Variants in PALM2AKAP2 observed in about 807,000 individuals in gnomAD.
PALM2AKAP2 encodes the protein PALM2-AKAP2 fusion protein.
In PALM2AKAP2, 37 loss-of-function variants were observed where a neutral mutation model predicts 71.5. That is an observed-to-expected ratio of 0.52 (90% CI 0.40 to 0.68). The LOEUF is 0.68. Among genes scored for constraint, PALM2AKAP2 ranks in the 30% least tolerant of loss-of-function variants. The probability of loss-of-function intolerance (pLI) is 0.00; values close to 1 mark genes in which losing one functional copy is unlikely to be tolerated. For missense variants in PALM2AKAP2, 1,224 were observed against 1,191.8 expected (o/e 1.03, Z -0.40); for synonymous variants, 468 against 478.8 (o/e 0.98, Z 0.29).
intron 6 of PALM2AKAP2, among the ~76,000 whole-genome samples, chr9:110,013,594 C>T (rs1212919835): frequency 6.6e-6 from 1 of 151,960 alleles, no homozygotes; most frequent in Non-Finnish European, 1.5e-5. Flanking sequence ...GAACAAGGCA[C>T]AACACTCCTC....
At chr9:110,168,591 A>G (rs981426948) in exon 4 of PALM2AKAP2, 1 of 1,422,994 alleles carries the variant, frequency 7.0e-7, no homozygotes, top group African/African-American at 1.4e-5. Context: ...TATTTATTAA[A>G]GTGCAAACAA....
At chr9:109,903,623 T>G (rs1830378199) in intron 3 of PALM2AKAP2, among the ~76,000 whole-genome samples, 1 of 152,150 alleles carries the variant, frequency 6.6e-6, no homozygotes. Flanking sequence ...TTTCTCCTCC[T>G]AAGTACACAA....
chr9:109,799,185 C>CAGA (rs1271192415), intron 1 of PALM2AKAP2, among the ~76,000 whole-genome samples: 2 of 152,208 alleles, frequency 1.3e-5, no homozygotes, highest in Non-Finnish European at 2.9e-5. Flanking sequence ...TGTGATGGAG[C>CAGA]AGAACAGTGT....
At position 109,640,817 on chromosome 9, in the gene PALM2AKAP2, C is replaced by A. The variant is rs948413524; in HGVS notation, c.-45C>A. 7.3e-6 allele frequency: 11 copies of A among 1,510,208 alleles called. No individual in the cohort carries two copies. The Admixed American group carries it at 1.5e-4, about 20-fold the overall frequency. The allele number at this position is 1,510,208 out of a possible 1,614,324, so 93.6% of individuals were successfully genotyped here. A position where few individuals can be genotyped will look rare whatever the true frequency, so the allele number is the denominator to read the frequency against. On this transcript the variant is annotated 5_prime_UTR_variant, in exon 1 of 7. Transcript: ENST00000374531. Reference sequence around the variant, plus strand: ...ACTCGGCTCCGGGAGAGGCGAGCAGCGCCGGTGAGCCCCGCAGCAGCGCAC... The same window carrying A: ...ACTCGGCTCCGGGAGAGGCGAGCAGAGCCGGTGAGCCCCGCAGCAGCGCAC...
chr9:110,065,336 C>T (rs1216489145), intron 1 of PALM2AKAP2, among the ~76,000 whole-genome samples: 2 of 152,122 alleles, frequency 1.3e-5, no homozygotes, highest in Non-Finnish European at 2.9e-5. Flanking sequence ...CCAAGCGATA[C>T]TCCCACCTCA....
chr9:110,006,324 C>CTCTTTGTTTCTT (rs1554736921), intron 6 of PALM2AKAP2, among the ~76,000 whole-genome samples: 2 of 102,102 alleles, frequency 2.0e-5, no homozygotes, highest in African/African-American at 3.9e-5. Context: ...TTCCTTCCTT[C>CTCTTTGTTTCTT]TCTTTCTTTC....
Position 109,865,096 on chromosome 9 carries a change from C to CT in PALM2AKAP2, c.46-2375dup, listed in dbSNP as rs58922983. Among the ~76,000 whole-genome samples the CT allele has an allele frequency of 5.3e-4, 40 of 75,640 alleles. 3 individuals are homozygous for CT. The highest frequency in any genetic ancestry group is 1.7e-3 in the Admixed American group (8 of 4,816). The allele number at this position is 75,640 out of a possible 152,430, so 49.6% of individuals were successfully genotyped here. A position where few individuals can be genotyped will look rare whatever the true frequency, so the allele number is the denominator to read the frequency against. ...GTATCTACCTAAATCCTACTCATTCCTTTTTTTTTTTTTTTTTTTTGAGAC... is the reference window on the plus strand; with the variant it reads ...GTATCTACCTAAATCCTACTCATTCCTTTTTTTTTTTTTTTTTTTTTGAGAC... On this transcript the variant is annotated intron_variant, in intron 1 of 9. Transcript: ENST00000302798.
chr9:109,695,516 T>C (rs1827957571), intron 1 of PALM2AKAP2, among the ~76,000 whole-genome samples: 2 of 152,180 alleles, frequency 1.3e-5, no homozygotes, highest in African/African-American at 4.8e-5. Flanking sequence ...GGTATCTTAC[T>C]ACGGTTTTGA....
At chr9:110,015,363 C>A (rs2132339580) in intron 6 of PALM2AKAP2, among the ~76,000 whole-genome samples, 1 of 152,264 alleles carries the variant, frequency 6.6e-6, no homozygotes, top group Non-Finnish European at 1.5e-5. Context: ...CACTGGGAGG[C>A]CAAGGTGGGT....
chr9:110,117,695 C>A (rs1387251781), intron 1 of PALM2AKAP2, among the ~76,000 whole-genome samples: 1 of 152,126 alleles, frequency 6.6e-6, no homozygotes, highest in East Asian at 1.9e-4. Context: ...GCCAGTCTTA[C>A]TTTGATAATG....
intron 2 of PALM2AKAP2, among the ~76,000 whole-genome samples, chr9:109,879,352 C>T (rs1829792563): frequency 6.6e-6 from 1 of 152,198 alleles, no homozygotes; most frequent in South Asian, 2.1e-4. Context: ...CTTACTATTT[C>T]TGGGAAGAAT....
chr9:110,154,333 C>T (rs1188404216), intron 2 of PALM2AKAP2, among the ~76,000 whole-genome samples: 1 of 152,134 alleles, frequency 6.6e-6, no homozygotes, highest in African/African-American at 2.4e-5. Context: ...AAGCCCAAAC[C>T]GGCTGGCTCC....
rs1198538795 is a variant in PALM2AKAP2, at chr9:110,135,152, C to CAAA, written c.157-964_157-962dup. On this transcript the variant is annotated intron_variant, in intron 1 of 3. Coordinates refer to ENST00000374525, the Ensembl canonical transcript of PALM2AKAP2. ...GAGACATGGAGGAACTCTGTCTCTA[C>CAAA]AAAAAAAAAAAAATATATAAATATA... Among the ~76,000 whole-genome samples the CAAA allele has an allele frequency of 2.2e-3, 59 of 26,960 alleles. 2 individuals are homozygous for CAAA. The highest frequency in any genetic ancestry group is 4.6e-3 in the East Asian group (4 of 864). The allele number at this position is 26,960 out of a possible 152,430, so 17.7% of individuals were successfully genotyped here. A position where few individuals can be genotyped will look rare whatever the true frequency, so the allele number is the denominator to read the frequency against.
At chr9:110,137,567 C>G (rs755322145) in exon 2 of PALM2AKAP2, 1 of 1,614,210 alleles carries the variant, frequency 6.2e-7, no homozygotes, top group South Asian at 1.1e-5. Context: ...CCGGGCTGTC[C>G]TCACTGTGGT....
intron 3 of PALM2AKAP2, among the ~76,000 whole-genome samples, chr9:110,166,102 A>G (rs1334696204): frequency 6.6e-6 from 1 of 152,198 alleles, no homozygotes; most frequent in Non-Finnish European, 1.5e-5. Context: ...CCACTTCATA[A>G]TTTATATATC....
chr9:110,048,679 G>T, upstream of PALM2AKAP2: 2 of 1,519,696 alleles, frequency 1.3e-6, no homozygotes, highest in East Asian at 5.1e-5. Flanking sequence ...CAGCGCGCCC[G>T]GAGGCTACCA....
chr9:109,654,970 C>G (rs1257658015), intron 1 of PALM2AKAP2, among the ~76,000 whole-genome samples: 1 of 152,126 alleles, frequency 6.6e-6, no homozygotes, highest in Non-Finnish European at 1.5e-5. Flanking sequence ...TACTCTCTCC[C>G]CACATTTTCC....
chr9:109,660,351 C>A (rs979679002), intron 1 of PALM2AKAP2, among the ~76,000 whole-genome samples: 1 of 152,130 alleles, frequency 6.6e-6, no homozygotes, highest in Non-Finnish European at 1.5e-5. Context: ...CCCCAACCCC[C>A]CCAACTCCCG....
intron 6 of PALM2AKAP2, among the ~76,000 whole-genome samples, chr9:110,000,128 A>G (rs1832655253): frequency 6.6e-6 from 1 of 151,876 alleles, no homozygotes; most frequent in Non-Finnish European, 1.5e-5. Context: ...GTCATTTAAC[A>G]TCAGGGATAT....
Sources: allele counts gnomAD v4.1 joint callset (sites outside exome capture counted in the v4.1 genomes callset), GRCh38; gene constraint gnomAD v4.1.1; transcripts MANE v1.5; gene names NCBI Gene and HGNC (gene_info 2026-07-23, HGNC 2026-07-21).